PCDHA6: variants seen among roughly 807,000 people sequenced by gnomAD.
PCDHA6 encodes the protein protocadherin alpha 6, also known as protocadherin alpha-6.
In PCDHA6, 55 loss-of-function variants were observed where a neutral mutation model predicts 60.3. The ratio of observed to expected loss-of-function variants is 0.91; its 90% CI spans 0.73 to 1.14. The LOEUF is 1.14. Among genes scored for constraint, PCDHA6 ranks in the 50% most tolerant of loss-of-function variants. PCDHA6 has a pLI of 0.00. For synonymous variants in PCDHA6, 652 were observed against 557.9 expected (o/e 1.17, Z -2.38); for missense variants, 1,327 against 1,256.5 (o/e 1.06, Z -0.85).
chr5:140,901,459 C>G (rs528238941), intron 1 of PCDHA6, among the ~76,000 whole-genome samples: 1 of 152,160 alleles, frequency 6.6e-6, no homozygotes, highest in South Asian at 2.1e-4. Flanking sequence ...CACAGACTGT[C>G]TTTTCTCGAG....
chr5:140,848,422 G>C, intron 1 of PCDHA6: 1 of 1,425,074 alleles, frequency 7.0e-7, no homozygotes, highest in Middle Eastern at 1.8e-4. Flanking sequence ...AGCAGAATGG[G>C]ACTGACGAAA....
intron 1 of PCDHA6, among the ~76,000 whole-genome samples, chr5:140,915,722 A>G (rs559518429): frequency 1.3e-5 from 2 of 151,088 alleles, no homozygotes; most frequent in South Asian, 4.2e-4. Flanking sequence ...CCCACTTTGG[A>G]TTGTGCTGGG....
intron 3 of PCDHA6, among the ~76,000 whole-genome samples, chr5:141,009,257 C>G (rs1375950001): frequency 6.6e-6 from 1 of 152,136 alleles, no homozygotes; most frequent in Non-Finnish European, 1.5e-5. Flanking sequence ...GTGTTTGAGA[C>G]CAGCCTGGGC....
intron 1 of PCDHA6, chr5:140,884,124 G>C: frequency 6.2e-7 from 1 of 1,613,344 alleles, no homozygotes; most frequent in Non-Finnish European, 8.5e-7. Flanking sequence ...GTCGGCGCGC[G>C]CATCCCGTTC....
rs2150437500 is a variant in PCDHA6, at chr5:140,849,439, C to A, written c.2394+18954C>A. ...CATATGGATTTTGAAGAAAGTAGAG[C>A]ACACAAGATCCCAGTCGAGGCTGTC... On this transcript the variant is annotated intron_variant, in intron 1 of 3. Transcript: ENST00000529310. 1.5e-5 allele frequency: 23 copies of A among 1,582,476 alleles called. 2 individuals carry two copies. In the African/African-American group the frequency reaches 2.8e-4, roughly 19 times the overall value.
In PCDHA6 at chr5:140,928,656, T is replaced by A. The variant is rs116598649; in HGVS notation, c.2395-50293T>A. ...TCACAAAAGTGGTAGCAGAGGATGC[T>A]GACAGTGGTTCTAATGCCTGGCTTT... On this transcript the variant is annotated intron_variant, in intron 1 of 3. Transcript: ENST00000529310. 5,180 of 1,614,228 alleles carry A rather than the reference T, an allele frequency of 3.2e-3. 26 individuals are homozygous for A. Among genetic ancestry groups the A allele is most frequent in the African/African-American group, 0.019 (1,449 of 75,056 alleles).
At chr5:140,950,997 A>G (rs782438146) in intron 1 of PCDHA6, among the ~76,000 whole-genome samples, 6 of 151,460 alleles carry the variant, frequency 4.0e-5, no homozygotes, top group Non-Finnish European at 7.4e-5. Flanking sequence ...TTTTAGCTCC[A>G]TTTTTCCCAA....
intron 1 of PCDHA6, among the ~76,000 whole-genome samples, chr5:140,939,289 A>G (rs1186126336): frequency 1.3e-5 from 2 of 152,102 alleles, no homozygotes; most frequent in African/African-American, 4.8e-5. Flanking sequence ...TCGTGATCTA[A>G]TCATCTCTAC....
chr5:141,007,275 T>C (rs1418814264), intron 3 of PCDHA6, among the ~76,000 whole-genome samples: 2 of 151,338 alleles, frequency 1.3e-5, no homozygotes, highest in Non-Finnish European at 2.9e-5. Context: ...ACAGGCTGGG[T>C]GCAGTGGGCT....
chr5:140,921,630 A>G lies in PCDHA6; in HGVS notation c.2395-57319A>G, dbSNP rs554698507. ...AGAAAAATATCATCAGATCATCATTATGGTAGCTATTTTAAGGGAACTTAA... is the reference window on the plus strand; with the variant it reads ...AGAAAAATATCATCAGATCATCATTGTGGTAGCTATTTTAAGGGAACTTAA... On this transcript the variant is annotated intron_variant, in intron 1 of 3. Coordinates refer to ENST00000529310, the MANE Select transcript of PCDHA6 (RefSeq NM_018909.4). Among the ~76,000 whole-genome samples, 4 of 152,344 alleles carry G rather than the reference A, an allele frequency of 2.6e-5. No homozygotes were observed. The South Asian group carries it at 8.3e-4, about 32-fold the overall frequency.
intron 1 of PCDHA6, chr5:140,853,038 C>T (rs2150527746): frequency 3.8e-6 from 1 of 265,006 alleles, no homozygotes; most frequent in African/African-American, 2.3e-5. Flanking sequence ...GCCACCATGC[C>T]CGCCTAATTT....
chr5:140,907,364 C>T (rs1042794275), intron 1 of PCDHA6, among the ~76,000 whole-genome samples: 5 of 152,122 alleles, frequency 3.3e-5, no homozygotes, highest in East Asian at 1.9e-4. Context: ...CTTCTTTAGT[C>T]GTAAAGTGAG....
intron 1 of PCDHA6, chr5:140,857,735 G>T (rs782288464): frequency 6.3e-7 from 1 of 1,597,334 alleles, no homozygotes; most frequent in Non-Finnish European, 8.6e-7. Flanking sequence ...CAACGCTCCC[G>T]CGCTGCTGGC....
Position 140,944,942 on chromosome 5 carries a change from T to C in PCDHA6, c.2395-34007T>C, listed in dbSNP as rs564740183. Among the ~76,000 whole-genome samples the C allele has an allele frequency of 2.0e-4, 31 of 152,326 alleles. No individual in the cohort carries two copies. The South Asian group carries it at 3.7e-3, about 18-fold the overall frequency. On this transcript the variant is annotated intron_variant, in intron 1 of 3. Coordinates refer to ENST00000529310, the MANE Select transcript of PCDHA6 (RefSeq NM_018909.4). ...ATTGGTTTATGCCTTCTTTAGATGATTGTGAATAAGAGTATTATCTTAACC... is the reference window on the plus strand; with the variant it reads ...ATTGGTTTATGCCTTCTTTAGATGACTGTGAATAAGAGTATTATCTTAACC...
chr5:140,946,611 AATATAT>A (rs1554217734), intron 1 of PCDHA6, among the ~76,000 whole-genome samples: 5 of 86,812 alleles, frequency 5.8e-5, no homozygotes, highest in African/African-American at 2.5e-4. Context: ...GAAAATGTGA[AATATAT>A]ATATATATAT....
At chr5:140,942,867 C>T (rs1023164811) in intron 1 of PCDHA6, among the ~76,000 whole-genome samples, 5 of 151,858 alleles carry the variant, frequency 3.3e-5, no homozygotes, top group Admixed American at 1.3e-4. Context: ...TTTGCTTTAG[C>T]ATGACAACTT....
chr5:141,002,234 C>G (rs2098067276), intron 3 of PCDHA6, among the ~76,000 whole-genome samples: 1 of 152,210 alleles, frequency 6.6e-6, no homozygotes, highest in Non-Finnish European at 1.5e-5. Context: ...TTTCTGGAAG[C>G]TCTTTATTAA....
At chr5:140,876,532 T>C in intron 1 of PCDHA6, 4 of 1,614,158 alleles carry the variant, frequency 2.5e-6, no homozygotes, top group Middle Eastern at 1.6e-4. Context: ...AATGGTTACT[T>C]CACTGTCGCT....
Position 140,851,725 on chromosome 5 carries a change from G to A in PCDHA6, c.2394+21240G>A. On this transcript the variant is annotated intron_variant, in intron 1 of 3. Coordinates refer to ENST00000529310, the MANE Select transcript of PCDHA6 (RefSeq NM_018909.4). The stretch of plus-strand genomic sequence containing the variant: ...GCCATGTGAAGATTCGAAACTTCGA[G>A]TTCTTTTGAAATTCAGAGTCTGTAA... 2.1e-6 allele frequency: 2 copies of A among 968,614 alleles called. 1 individual carries two copies. The highest frequency in any genetic ancestry group is 9.6e-5 in the South Asian group (2 of 20,926). The allele number at this position is 968,614 out of a possible 1,614,324, so 60.0% of individuals were successfully genotyped here.
Sources: gnomAD v4.1 joint callset for allele counts (sites outside exome capture counted in the v4.1 genomes callset) on GRCh38, gnomAD v4.1.1 for gene constraint, MANE v1.5 for transcripts, NCBI Gene and HGNC (gene_info 2026-07-23, HGNC 2026-07-21) for gene names.